CAMK2B: variants seen among roughly 807,000 people sequenced by gnomAD.
CAMK2B encodes the protein calcium/calmodulin dependent protein kinase II beta, also known as calcium/calmodulin-dependent protein kinase type II subunit beta.
Under a neutral mutation model 93.7 loss-of-function variants are expected in CAMK2B, and 27 were observed. That is an observed-to-expected ratio of 0.29 (90% CI 0.21 to 0.40). The LOEUF is 0.40. Ranked by LOEUF, CAMK2B falls within the 10% of genes least tolerant of loss-of-function variation. The probability of loss-of-function intolerance (pLI) is 1.00; values close to 1 mark genes in which losing one functional copy is unlikely to be tolerated. For synonymous variants in CAMK2B, 374 were observed against 358.8 expected (o/e 1.04, Z -0.48); for missense variants, 568 against 895.8 (o/e 0.63, Z 4.67).
intron 5 of CAMK2B, among the ~76,000 whole-genome samples, chr7:44,253,040 G>A (rs1230219815): frequency 2.0e-5 from 3 of 152,152 alleles, no homozygotes; most frequent in Non-Finnish European, 4.4e-5. Flanking sequence ...GAGGCCCAGT[G>A]GCACCAGAGC....
At chr7:44,288,491 C>G (rs1785757278) in intron 1 of CAMK2B, among the ~76,000 whole-genome samples, 1 of 152,210 alleles carries the variant, frequency 6.6e-6, no homozygotes, top group Non-Finnish European at 1.5e-5. Context: ...CGAATTGCAT[C>G]TAGACATCAA....
At chr7:44,267,440 G>A (rs892621853) in intron 2 of CAMK2B, among the ~76,000 whole-genome samples, 1 of 152,164 alleles carries the variant, frequency 6.6e-6, no homozygotes, top group African/African-American at 2.4e-5. Flanking sequence ...TCTCACACCC[G>A]CTCTGATGTG....
intron 5 of CAMK2B, among the ~76,000 whole-genome samples, chr7:44,247,460 A>C (rs1485720612): frequency 6.6e-6 from 1 of 152,166 alleles, no homozygotes; most frequent in African/African-American, 2.4e-5. Context: ...CTTTCAAAGG[A>C]AACACCCCTG....
Position 44,284,242 on chromosome 7 carries a change from G to A in CAMK2B, c.66-17C>T. The A allele has an allele frequency of 6.4e-7, 1 of 1,554,080 alleles. No individual in the cohort carries two copies. The highest frequency in any genetic ancestry group is 2.2e-5 in the East Asian group (1 of 44,504). ...AAAGCCCCCCTGGGGAGGAAAATGG[G>A]GGAGCGAGAGACAGAGACAGAGACA... On this transcript the variant is annotated splice_polypyrimidine_tract_variant and intron_variant, in intron 1 of 23. Coordinates refer to ENST00000395749, the MANE Select transcript of CAMK2B (RefSeq NM_001220.5).
chr7:44,258,837 T>C lies in CAMK2B; in HGVS notation c.275+35A>G, dbSNP rs747934078. The C allele has an allele frequency of 2.8e-5, 45 of 1,601,904 alleles. No homozygotes were observed. In the Admixed American group the frequency reaches 3.8e-4, roughly 14 times the overall value. On this transcript the variant is annotated intron_variant, in intron 4 of 23. Transcript: ENST00000395749. ...TCCCACCCTGAGCCAAGGCTGGGAG[T>C]GAGTGCAGCGAGAGTCCCCAGCTCT...
At chr7:44,235,635 G>A (rs1179919064) in intron 13 of CAMK2B, among the ~76,000 whole-genome samples, 1 of 152,230 alleles carries the variant, frequency 6.6e-6, no homozygotes, top group Admixed American at 6.5e-5. Flanking sequence ...GCAAGACTGC[G>A]GGCCCAGGAC....
chr7:44,281,766 C>T lies in CAMK2B; in HGVS notation c.160+2365G>A, dbSNP rs552391414. On this transcript the variant is annotated intron_variant, in intron 2 of 23. Transcript: ENST00000395749. ...GAAATCCTGGTTACAGAGGCCACTCCCTCCTCCTCCCACCTGCTTGTCCAA... is the reference window on the plus strand; with the variant it reads ...GAAATCCTGGTTACAGAGGCCACTCTCTCCTCCTCCCACCTGCTTGTCCAA... 2.1e-3 allele frequency among the ~76,000 whole-genome samples: 313 copies of T among 152,304 alleles called. 1 individual carries two copies. Among genetic ancestry groups the T allele is most frequent in the South Asian group, 4.6e-3 (22 of 4,828 alleles).
chr7:44,240,580 A>G, intron 12 of CAMK2B, 127 bp downstream of exon 12: 1 of 1,060,644 alleles, frequency 9.4e-7, no homozygotes, highest in Non-Finnish European at 1.4e-6. Context: ...CTCAGAGCTG[A>G]GGGCAGACGC....
chr7:44,309,683 G>C (rs1373776077), intron 1 of CAMK2B, among the ~76,000 whole-genome samples: 2 of 152,196 alleles, frequency 1.3e-5, no homozygotes, highest in Non-Finnish European at 2.9e-5. Flanking sequence ...CAGCCTCCTC[G>C]CCCGGGCAGG....
intron 4 of CAMK2B, among the ~76,000 whole-genome samples, chr7:44,258,432 C>T (rs1053483017): frequency 6.6e-6 from 1 of 152,238 alleles, no homozygotes; most frequent in African/African-American, 2.4e-5. Flanking sequence ...CACATACATA[C>T]AGGTGCACGT....
chr7:44,261,011 CT>C (rs913521411), intron 3 of CAMK2B, among the ~76,000 whole-genome samples: 4 of 152,240 alleles, frequency 2.6e-5, no homozygotes, highest in Non-Finnish European at 4.4e-5. Context: ...CCAATGTCCC[CT>C]TTCCCTCTCA....
In CAMK2B at chr7:44,217,810, A is replaced by G. The variant is rs1231964316; in HGVS notation, c.*1715T>C. On this transcript the variant is annotated 3_prime_UTR_variant, in exon 24 of 24. Transcript: ENST00000395749. ...ATTGAAAGTGGGCAGGCACTGGGGC[A>G]GGAGCCCCTGACCCTCTGCAGTCAG... 1.3e-5 allele frequency: 2 copies of G among 152,196 alleles called. No homozygotes were observed. The highest frequency in any genetic ancestry group is 4.8e-5 in the African/African-American group (2 of 41,440). The allele number at this position is 152,196 out of a possible 1,614,324, so 9.4% of individuals were successfully genotyped here.
At chr7:44,269,786 C>A (rs909862861) in intron 2 of CAMK2B, among the ~76,000 whole-genome samples, 6 of 152,104 alleles carry the variant, frequency 3.9e-5, no homozygotes, top group African/African-American at 1.4e-4. Context: ...TTGTCAGACC[C>A]AGAGACCGAG....
At chr7:44,275,401 G>T (rs1017367421) in intron 2 of CAMK2B, among the ~76,000 whole-genome samples, 32 of 152,336 alleles carry the variant, frequency 2.1e-4, no homozygotes, top group African/African-American at 7.7e-4. Context: ...AGCACCCTCC[G>T]CGCAGCCCGG....
intron 16 of CAMK2B, 68 bp downstream of exon 16, chr7:44,232,754 C>T: frequency 6.7e-7 from 1 of 1,490,986 alleles, no homozygotes; most frequent in Non-Finnish European, 9.4e-7. Flanking sequence ...CAAATGCTGC[C>T]CCAGACCTCT....
chr7:44,239,847 C>T (rs901944343), intron 12 of CAMK2B, among the ~76,000 whole-genome samples, 184 bp from the exon 13 acceptor site: 5 of 152,202 alleles, frequency 3.3e-5, no homozygotes, highest in African/African-American at 7.2e-5. Flanking sequence ...CTGATTGACA[C>T]GGAAAAGCAT....
chr7:44,239,805 C>T, intron 12 of CAMK2B, 142 bp from the exon 13 acceptor site: 2 of 657,608 alleles, frequency 3.0e-6, no homozygotes, highest in South Asian at 1.8e-5. Context: ...GTTCCAGAAT[C>T]CTTTGCTCAA....
rs988391873 is a variant in CAMK2B, at chr7:44,286,468, G to A, written c.66-2243C>T. 3.3e-5 allele frequency among the ~76,000 whole-genome samples: 5 copies of A among 152,304 alleles called. No individual in the cohort carries two copies. Among genetic ancestry groups the A allele is most frequent in the East Asian group, 1.9e-4 (1 of 5,174 alleles). ...GCACCGCTGTGTCGAGCCCGTCCCC[G>A]GAGCAGGGAGGAGACCCAAGCGCAG... On this transcript the variant is annotated intron_variant, in intron 1 of 23. Transcript: ENST00000395749. The surrounding 1 kb of genome is among the most constrained non-coding windows in gnomAD (Gnocchi z 4.0).
rs141706959 is a variant in CAMK2B, at chr7:44,272,743, G to A, written c.161-9679C>T. Among the ~76,000 whole-genome samples, 636 of 152,358 alleles carry A rather than the reference G, an allele frequency of 4.2e-3. 4 individuals are homozygous for A. Among genetic ancestry groups the A allele is most frequent in the African/African-American group, 0.015 (614 of 41,588 alleles). Reference sequence around the variant, plus strand: ...AGCCCAGGCCAGGCCAGTGGCTGCAGTAGGGCCACTTCCAGGCTACACACT... The same window carrying A: ...AGCCCAGGCCAGGCCAGTGGCTGCAATAGGGCCACTTCCAGGCTACACACT... On this transcript the variant is annotated intron_variant, in intron 2 of 23. Transcript: ENST00000395749.
Sources: allele counts gnomAD v4.1 joint callset (sites outside exome capture counted in the v4.1 genomes callset), GRCh38; gene constraint gnomAD v4.1.1; non-coding constraint Gnocchi (gnomAD v3.1); transcripts MANE v1.5; gene names NCBI Gene and HGNC (gene_info 2026-07-23, HGNC 2026-07-21).